Variants in ABCG1 observed in about 807,000 individuals in gnomAD.
The protein encoded by ABCG1 is ATP binding cassette subfamily G member 1, also known as ATP-binding cassette sub-family G member 1.
In ABCG1, 29 loss-of-function variants were observed where a neutral mutation model predicts 69.2. The observed-to-expected ratio is 0.42, with a 90% CI of 0.31 to 0.57. The LOEUF (loss-of-function observed/expected upper bound fraction) is 0.57. Among genes scored for constraint, ABCG1 ranks in the 20% least tolerant of loss-of-function variants. The pLI is 0.15. For missense variants in ABCG1, 718 were observed against 898.1 expected, an observed-to-expected ratio of 0.80 and a Z score of 2.56; for synonymous variants, 370 against 374.8, an observed-to-expected ratio of 0.99 and a Z score of 0.15.
Position 42,238,466 on chromosome 21 carries a change from C to T in ABCG1, c.286+12552C>T, listed in dbSNP as rs372413488. On this transcript the variant is annotated intron_variant, in intron 2 of 14. Coordinates refer to ENST00000398449, the MANE Select transcript of ABCG1 (RefSeq NM_016818.3). ...GGCTCATATTATGACTAATTTCAGA[C>T]GCGTTAAATCCCTCTATCTTGAGAC... 7.8e-4 allele frequency among the ~76,000 whole-genome samples: 119 copies of T among 152,256 alleles called. 1 individual carries two copies. The highest frequency in any genetic ancestry group is 2.4e-3 in the African/African-American group (100 of 41,546).
At chr21:42,209,337 C>G (rs1383952904) in intron 2 of ABCG1, among the ~76,000 whole-genome samples, 1 of 152,330 alleles carries the variant, frequency 6.6e-6, no homozygotes, top group Non-Finnish European at 1.5e-5. Flanking sequence ...CGTTCTGAGG[C>G]AAAATGCAAT....
At chr21:42,216,119 T>A, upstream of ABCG1, 1 of 451,260 alleles carries the variant, frequency 2.2e-6, no homozygotes, top group Non-Finnish European at 4.4e-6. Context: ...CTCTCTCTTG[T>A]CTGCCGCCAT....
At chr21:42,279,385 C>A (rs1003878368) in intron 5 of ABCG1, among the ~76,000 whole-genome samples, 1 of 152,098 alleles carries the variant, frequency 6.6e-6, no homozygotes, top group Non-Finnish European at 1.5e-5. Context: ...AGGCGGAGGG[C>A]GGAGAGACTT....
intron 13 of ABCG1, among the ~76,000 whole-genome samples, chr21:42,292,860 C>A (rs1416323619): frequency 1.4e-5 from 2 of 140,806 alleles, no homozygotes; most frequent in African/African-American, 2.6e-5. Context: ...CACTGCACAC[C>A]ACACTACACA....
chr21:42,231,763 AG>A (rs1336099964), intron 2 of ABCG1, among the ~76,000 whole-genome samples: 1 of 152,212 alleles, frequency 6.6e-6, no homozygotes, highest in Non-Finnish European at 1.5e-5. Context: ...CTCAGGCTGA[AG>A]GGGGATGGAT....
At chr21:42,263,854 A>G (rs546780921) in intron 2 of ABCG1, among the ~76,000 whole-genome samples, 3 of 152,344 alleles carry the variant, frequency 2.0e-5, no homozygotes, top group Admixed American at 6.5e-5. Context: ...AGGTGTGGGA[A>G]GAGACGACAA....
chr21:42,228,961 A>G (rs1001294842), intron 2 of ABCG1, among the ~76,000 whole-genome samples: 2 of 152,204 alleles, frequency 1.3e-5, no homozygotes, highest in African/African-American at 4.8e-5. Flanking sequence ...CTGCAGGAGG[A>G]GCTGCATCCC....
chr21:42,264,489 CCATCCATT>C (rs58319226), intron 2 of ABCG1, among the ~76,000 whole-genome samples: 67,476 of 150,922 alleles, frequency 0.45, 15,255 homozygotes, highest in Middle Eastern at 0.59. Flanking sequence ...GTCCATCCAT[CCATCCATT>C]CATCCATTCA....
chr21:42,243,144 G>A (rs1240084274), intron 2 of ABCG1, among the ~76,000 whole-genome samples: 1 of 152,136 alleles, frequency 6.6e-6, no homozygotes, highest in African/African-American at 2.4e-5. Context: ...CCACTCCCTG[G>A]CCTTCAAAGT....
At chr21:42,269,888 T>C (rs912056988) in intron 2 of ABCG1, among the ~76,000 whole-genome samples, 1 of 152,098 alleles carries the variant, frequency 6.6e-6, no homozygotes, top group Non-Finnish European at 1.5e-5. Flanking sequence ...TCTCATTAGG[T>C]CCCCTGAAAC....
intron 2 of ABCG1, among the ~76,000 whole-genome samples, chr21:42,270,259 CAAA>C (rs4006345): frequency 6.9e-5 from 6 of 87,176 alleles, no homozygotes; most frequent in Admixed American, 2.8e-4. Context: ...GACTCAGTCT[CAAA>C]AAAAAAAAAA....
At chr21:42,283,680 C>T (rs1003239071) in intron 6 of ABCG1, among the ~76,000 whole-genome samples, 2 of 127,136 alleles carry the variant, frequency 1.6e-5, no homozygotes, top group South Asian at 2.4e-4. Flanking sequence ...GTGGGGAACC[C>T]CCACCTCTTT....
In ABCG1 at chr21:42,284,618, G is replaced by A. The variant is rs780777711; in HGVS notation, c.793G>A (p.Gly265Arg). The change falls in exon 7 of 15, where the codon GGG (glycine) becomes AGG (arginine). Residue 265 changes from glycine to arginine, a missense_variant. This residue lies in a region of ABCG1 where 514 missense variants were observed against 574.3 expected (regional missense o/e 0.90). Coordinates refer to ENST00000398449, the MANE Select transcript of ABCG1 (RefSeq NM_016818.3). Reference sequence around the variant, plus strand: ...CTCGCTGATGAAAGGGCTCGCTCAAGGGGGTCGCTCCATCATTTGCACCAT... The same window carrying A: ...CTCGCTGATGAAAGGGCTCGCTCAAAGGGGTCGCTCCATCATTTGCACCAT... Reference protein sequence around the residue: ...VVSLMKGLAQGGRSIICTIHQ... With the variant: ...VVSLMKGLAQRGRSIICTIHQ... The A allele has an allele frequency of 6.2e-7, 1 of 1,613,958 alleles. No homozygotes were observed. The highest frequency in any genetic ancestry group is 1.1e-5 in the South Asian group (1 of 91,086).
chr21:42,223,986 G>A (rs955364614), intron 1 of ABCG1, among the ~76,000 whole-genome samples: 2 of 152,196 alleles, frequency 1.3e-5, no homozygotes, highest in African/African-American at 4.8e-5. Flanking sequence ...GACCCACAAT[G>A]GGAGAGAAGT....
At chr21:42,265,780 G>A (rs569379949) in intron 2 of ABCG1, among the ~76,000 whole-genome samples, 16 of 152,324 alleles carry the variant, frequency 1.1e-4, no homozygotes, top group Admixed American at 8.5e-4. Context: ...GCTCAGGACC[G>A]CAGGCTGGGA....
At chr21:42,238,052 G>A (rs1202488950) in intron 2 of ABCG1, among the ~76,000 whole-genome samples, 1 of 152,172 alleles carries the variant, frequency 6.6e-6, no homozygotes. Context: ...AGTGCTCAAG[G>A]TATTTTAATG....
intron 2 of ABCG1, among the ~76,000 whole-genome samples, chr21:42,209,730 G>A (rs1017589596): frequency 6.6e-6 from 1 of 152,208 alleles, no homozygotes; most frequent in Non-Finnish European, 1.5e-5. Flanking sequence ...AATAATAATA[G>A]TGAGCACCAG....
chr21:42,220,547 C>T (rs1043954905), intron 1 of ABCG1, among the ~76,000 whole-genome samples: 2 of 152,206 alleles, frequency 1.3e-5, no homozygotes, highest in East Asian at 1.9e-4. Context: ...TTTGTGTAAA[C>T]GATAGAATGG....
At chr21:42,252,609 G>A (rs1056886580) in intron 2 of ABCG1, among the ~76,000 whole-genome samples, 1 of 152,120 alleles carries the variant, frequency 6.6e-6, no homozygotes, top group Non-Finnish European at 1.5e-5. Flanking sequence ...TTTAGCGGGG[G>A]TGACTCTGAT....
Sources: gnomAD v4.1 joint callset for allele counts (sites outside exome capture counted in the v4.1 genomes callset) on GRCh38, gnomAD v4.1.1 for gene constraint, gnomAD v4.1.1 regional missense constraint, MANE v1.5 for transcripts, NCBI Gene and HGNC (gene_info 2026-07-23, HGNC 2026-07-21) for gene names.